Variants in ZNF559 observed in about 807,000 individuals in gnomAD.
The protein encoded by ZNF559 is putative protein product of Nbla00121.
ZNF559 carries 17 observed loss-of-function variants against 14.2 expected under a neutral mutation model. The observed-to-expected ratio is 1.20, with a 90% CI of 0.82 to 1.80. The LOEUF is 1.80. Ranked by LOEUF, ZNF559 falls within the 40% of genes most tolerant of loss-of-function variation. ZNF559 has a pLI of 0.00. For missense variants in ZNF559, 740 were observed against 629.7 expected, an observed-to-expected ratio of 1.18 and a Z score of -1.88; for synonymous variants, 244 against 212.4, an observed-to-expected ratio of 1.15 and a Z score of -1.29.
chr19:9,336,366 C>T (rs144418845), intron 2 of ZNF559, among the ~76,000 whole-genome samples: 93 of 151,960 alleles, frequency 6.1e-4, no homozygotes, highest in African/African-American at 1.5e-3. Flanking sequence ...CTGAGGCAGG[C>T]GGATCACCTG....
chr19:9,342,004 T>G lies in ZNF559; in HGVS notation c.553T>G (p.Tyr185Asp), dbSNP rs372137798. The G allele has an allele frequency of 8.9e-5, 143 of 1,611,376 alleles. No individual in the cohort carries two copies. The highest frequency in any genetic ancestry group is 1.2e-4 in the Admixed American group (7 of 59,374). ...GAAAACTCACACTCAAGAGAAACCATATAAATGCAGTGACTGTGAAAAAGG... is the reference window on the plus strand; with the variant it reads ...GAAAACTCACACTCAAGAGAAACCAGATAAATGCAGTGACTGTGAAAAAGG... Reference protein sequence around the residue: ...CKKTHTQEKPYKCSDCEKGLP... With the variant: ...CKKTHTQEKPDKCSDCEKGLP... Residue 185 changes from tyrosine to aspartate, a missense_variant, in exon 7 of 7, where the codon TAT (tyrosine) becomes GAT (aspartate). Coordinates refer to ENST00000603380, the MANE Select transcript of ZNF559 (RefSeq NM_032497.3).
At position 9,324,789 on chromosome 19, in the gene ZNF559, T is replaced by C. The variant is rs979055302; in HGVS notation, c.-120+9T>C. On this transcript the variant is annotated intron_variant, in intron 2 of 6. Coordinates refer to ENST00000603380, the MANE Select transcript of ZNF559 (RefSeq NM_032497.3). ...AATTCTGTCGTGTCCCGGTGAGCACTTCATGCACTTGTTCTGGCTGTGGGT... is the reference window on the plus strand; with the variant it reads ...AATTCTGTCGTGTCCCGGTGAGCACCTCATGCACTTGTTCTGGCTGTGGGT... 3.6e-5 allele frequency: 55 copies of C among 1,535,456 alleles called. No individual in the cohort carries two copies. Among genetic ancestry groups the C allele is most frequent in the East Asian group, 3.4e-4 (14 of 40,928 alleles).
At chr19:9,324,399 A>G (rs888793339) in intron 1 of ZNF559, 171 bp downstream of exon 1, 19 of 1,477,408 alleles carry the variant, frequency 1.3e-5, no homozygotes, top group Non-Finnish European at 1.7e-5. Context: ...TGAGAGCCAC[A>G]GTCAGGTCTG....
rs369264718 is a variant in ZNF559, at chr19:9,342,173, A to G, written c.722A>G (p.Tyr241Cys). Residue 241 changes from tyrosine to cysteine, a missense_variant, in exon 7 of 7, where the codon TAT (tyrosine) becomes TGT (cysteine). By Grantham distance (194) the Tyr-to-Cys change is radical. Transcript: ENST00000603380. ...HMQTQDGEKFYECKACGKPFT... is the reference protein window; with the variant it reads ...HMQTQDGEKFCECKACGKPFT... The stretch of plus-strand genomic sequence containing the variant: ...CAAACTCAAGATGGAGAAAAATTCT[A>G]TGAATGTAAAGCATGTGGGAAACCC... 1.2e-4 allele frequency: 187 copies of G among 1,609,590 alleles called. No individual in the cohort carries two copies. Among genetic ancestry groups the G allele is most frequent in the Non-Finnish European group, 1.5e-4 (177 of 1,178,734 alleles).
At position 9,341,759 on chromosome 19, in the gene ZNF559, A is replaced by G; in HGVS notation, c.308A>G (p.His103Arg). Residue 103 changes from histidine (H) to arginine (R), a missense_variant, in exon 7 of 7, where the codon CAC becomes CGC. Transcript: ENST00000603380. ...CAATGTGAAAAAGCCTTGAGTGAAC[A>G]CTCATGCCTTAAGACTCACAGGAGA... is the stretch of plus-strand genomic sequence containing the variant. ...FNQCEKALSE[H>R]SCLKTHRRTY... 1 of 1,600,152 alleles carries G rather than the reference A, an allele frequency of 6.2e-7. No individual in the cohort carries two copies. Among genetic ancestry groups the G allele is most frequent in the Non-Finnish European group, 8.5e-7 (1 of 1,176,342 alleles).
intron 5 of ZNF559, among the ~76,000 whole-genome samples, chr19:9,340,185 A>G (rs953707201): frequency 2.0e-5 from 3 of 152,094 alleles, no homozygotes; most frequent in Admixed American, 6.5e-5. Flanking sequence ...AGAGTTAAAG[A>G]CAGCGCAGAA....
intron 2 of ZNF559, among the ~76,000 whole-genome samples, chr19:9,333,737 A>G (rs575274440): frequency 8.2e-5 from 10 of 122,310 alleles, no homozygotes; most frequent in Non-Finnish European, 1.5e-4. Context: ...GATAATTCCT[A>G]CGTATGTAAC....
chr19:9,337,502 A>T (rs964936521), intron 2 of ZNF559, among the ~76,000 whole-genome samples: 1 of 152,180 alleles, frequency 6.6e-6, no homozygotes, highest in African/African-American at 2.4e-5. Flanking sequence ...TGACGATCTC[A>T]TGGTCACGTT....
chr19:9,336,833 C>CTA (rs2067266728), intron 2 of ZNF559, among the ~76,000 whole-genome samples: 1 of 152,118 alleles, frequency 6.6e-6, no homozygotes, highest in South Asian at 2.1e-4. Flanking sequence ...GCTGGAGGAG[C>CTA]TAAAGATGTC....
chr19:9,341,021 C>T (rs1163073565), intron 5 of ZNF559, 81 bp from the exon 6 acceptor site: 1 of 1,032,388 alleles, frequency 9.7e-7, no homozygotes, highest in African/African-American at 1.6e-5. Flanking sequence ...AACTACAGTA[C>T]ATACTAGTCT....
chr19:9,339,157 T>C lies in ZNF559; in HGVS notation c.34-36T>C. ...TCTCCAGTCAACATAGTGGAGAACG[T>C]ACTTGCCTGACGCCAGCATGTGTGT... On this transcript the variant is annotated intron_variant, in intron 4 of 6. Transcript: ENST00000603380. The C allele has an allele frequency of 1.9e-6, 3 of 1,612,040 alleles. No homozygotes were observed. The South Asian group carries it at 3.3e-5, about 18-fold the overall frequency.
In ZNF559 at chr19:9,324,253, T is replaced by G. The variant is rs1005945695; in HGVS notation, c.-206+25T>G. ...GGTAAGTTTTTGTTTCTGGGCGGCG[T>G]TCGGTGGTGTCCCGGTGCAGCCACG... On this transcript the variant is annotated intron_variant, in intron 1 of 6. Transcript: ENST00000603380. 3.9e-6 allele frequency: 6 copies of G among 1,535,824 alleles called. No individual in the cohort carries two copies. The African/African-American group carries it at 6.9e-5, about 18-fold the overall frequency.
At chr19:9,324,343 G>T (rs1052984929) in intron 1 of ZNF559, 115 bp downstream of exon 1, 6 of 1,518,946 alleles carry the variant, frequency 4.0e-6, no homozygotes, top group African/African-American at 1.4e-5. Flanking sequence ...GCACTTTCGG[G>T]CATTTCGAGC....
chr19:9,343,595 A>T lies in ZNF559; in HGVS notation c.*527A>T, dbSNP rs2122328602. The T allele has an allele frequency of 2.0e-6, 2 of 991,540 alleles. No individual in the cohort carries two copies. Among genetic ancestry groups the T allele is most frequent in the Non-Finnish European group, 2.4e-6 (2 of 833,094 alleles). 61.4% of individuals were successfully genotyped at this position (991,540 alleles called of 1,614,324 possible). On this transcript the variant is annotated 3_prime_UTR_variant, in exon 7 of 7. Coordinates refer to ENST00000603380, the MANE Select transcript of ZNF559 (RefSeq NM_032497.3). ...AGATTCTTCTTTGTTTTTAGCTTCC[A>T]CTTTGGGAACATGTCAAAGCACACA...
In ZNF559 at chr19:9,338,549, G is replaced by A. The variant is rs1464581291; in HGVS notation, c.-1G>A. The A allele has an allele frequency of 6.2e-7, 1 of 1,613,924 alleles. No individual in the cohort carries two copies. The highest frequency in any genetic ancestry group is 8.5e-7 in the Non-Finnish European group (1 of 1,179,948). On this transcript the variant is annotated 5_prime_UTR_variant, in exon 4 of 7. Coordinates refer to ENST00000603380, the MANE Select transcript of ZNF559 (RefSeq NM_032497.3). ...ATGAGTCAAAATTTGAAGAGGAAAG[G>A]ATGGTGGCTGGGTGGTTGACAAATT... is the stretch of plus-strand genomic sequence containing the variant.
intron 2 of ZNF559, among the ~76,000 whole-genome samples, chr19:9,335,679 C>T (rs1261409304): frequency 6.6e-6 from 1 of 152,182 alleles, no homozygotes; most frequent in African/African-American, 2.4e-5. Flanking sequence ...GCACTACAGA[C>T]ACGTACCACC....
chr19:9,334,273 A>G (rs937044617), intron 2 of ZNF559, among the ~76,000 whole-genome samples: 3 of 152,230 alleles, frequency 2.0e-5, no homozygotes, highest in African/African-American at 2.4e-5. Context: ...ATTTTGGAAT[A>G]TTTGCATTAT....
chr19:9,341,318 T>C (rs763975145), intron 6 of ZNF559, 134 bp downstream of exon 6: 10 of 870,138 alleles, frequency 1.1e-5, no homozygotes, highest in Non-Finnish European at 1.7e-5. Flanking sequence ...ATCTGTCTCT[T>C]GGAGAGACTA....
chr19:9,336,752 CA>C (rs2067262733), intron 2 of ZNF559, among the ~76,000 whole-genome samples: 1 of 152,100 alleles, frequency 6.6e-6, no homozygotes, highest in Non-Finnish European at 1.5e-5. Flanking sequence ...TAAATGTTTG[CA>C]GAGTGAATGA....
Sources: gnomAD v4.1 joint callset for allele counts (sites outside exome capture counted in the v4.1 genomes callset) on GRCh38, gnomAD v4.1.1 for gene constraint, MANE v1.5 for transcripts, NCBI Gene and HGNC (gene_info 2026-07-23, HGNC 2026-07-21) for gene names.